Variants in SPPL3 observed in about 807,000 individuals in gnomAD.
SPPL3 encodes the protein signal peptide peptidase like 3.
In SPPL3, 5 loss-of-function variants were observed where a neutral mutation model predicts 42.4. The observed-to-expected ratio is 0.12, with a 90% CI of 0.06 to 0.25. SPPL3 has a LOEUF of 0.25. Ranked by LOEUF, SPPL3 falls within the 10% of genes least tolerant of loss-of-function variation. The probability of loss-of-function intolerance (pLI) is 1.00; values close to 1 mark genes in which losing one functional copy is unlikely to be tolerated. For synonymous variants in SPPL3, 195 were observed against 181.8 expected (o/e 1.07, Z -0.58); for missense variants, 235 against 489.0 (o/e 0.48, Z 4.90).
intron 3 of SPPL3, among the ~76,000 whole-genome samples, chr12:120,785,323 A>T (rs1389542772): frequency 6.6e-6 from 1 of 152,160 alleles, no homozygotes; most frequent in Non-Finnish European, 1.5e-5. Flanking sequence ...CGGGAAAATA[A>T]TCTCTTGGGC....
chr12:120,791,759 G>C, intron 2 of SPPL3: 1 of 507,112 alleles, frequency 2.0e-6, no homozygotes, highest in Non-Finnish European at 3.5e-6. Flanking sequence ...CCTGACTGCA[G>C]ATGAAAGCAT....
intron 1 of SPPL3, among the ~76,000 whole-genome samples, chr12:120,879,361 TCAC>T (rs1226799591): frequency 2.0e-5 from 3 of 152,050 alleles, no homozygotes; most frequent in Non-Finnish European, 4.4e-5. Context: ...ATTCTCTTCT[TCAC>T]CTAGTTAGGA....
intron 2 of SPPL3, among the ~76,000 whole-genome samples, chr12:120,797,702 C>T (rs1461724262): frequency 1.3e-5 from 2 of 151,934 alleles, no homozygotes; most frequent in Admixed American, 6.6e-5. Context: ...GAATTGTATC[C>T]CTTTCTTTAG....
In SPPL3 at chr12:120,876,309, T is replaced by G. The variant is rs1483023234; in HGVS notation, c.23+27536A>C. 2.0e-5 allele frequency among the ~76,000 whole-genome samples: 3 copies of G among 151,908 alleles called. No homozygotes were observed. The South Asian group carries it at 6.2e-4, about 32-fold the overall frequency. ...GGTCAAAGGAAATAATAAGGGAAAT[T>G]AGAAAATATTTTGACTTGAATGGGC... On this transcript the variant is annotated intron_variant, in intron 1 of 10. Coordinates refer to ENST00000353487, the MANE Select transcript of SPPL3 (RefSeq NM_139015.5).
chr12:120,766,100 GCACACACACACACA>G (rs111837123), intron 10 of SPPL3, among the ~76,000 whole-genome samples, 149 bp downstream of exon 10: 148 of 84,138 alleles, frequency 1.8e-3, no homozygotes, highest in Middle Eastern at 7.8e-3. Flanking sequence ...GCGCGCGCGC[GCACACACACACACA>G]CACACACACA....
At chr12:120,900,153 A>G (rs981907062) in intron 1 of SPPL3, among the ~76,000 whole-genome samples, 14 of 152,158 alleles carry the variant, frequency 9.2e-5, no homozygotes, top group Non-Finnish European at 2.1e-4. Context: ...CTCATTGCCA[A>G]TAATTTACAT....
intron 1 of SPPL3, among the ~76,000 whole-genome samples, chr12:120,833,714 A>G (rs2137019977): frequency 7.3e-6 from 1 of 136,764 alleles, no homozygotes. Context: ...GAAAAAAAGG[A>G]GGAAAAACAG....
chr12:120,893,316 G>A (rs1043569761), intron 1 of SPPL3, among the ~76,000 whole-genome samples: 9 of 152,096 alleles, frequency 5.9e-5, no homozygotes, highest in Middle Eastern at 3.4e-3. Flanking sequence ...CAGGCGTGGC[G>A]GCGGGCGCCT....
chr12:120,799,242 A>G (rs1274437959), intron 2 of SPPL3, among the ~76,000 whole-genome samples: 1 of 152,222 alleles, frequency 6.6e-6, no homozygotes, highest in African/African-American at 2.4e-5. Context: ...GGGCAAAATC[A>G]TCTAACACAA....
intron 2 of SPPL3, among the ~76,000 whole-genome samples, chr12:120,800,690 G>A (rs1468710766): frequency 6.6e-6 from 1 of 151,946 alleles, no homozygotes; most frequent in Non-Finnish European, 1.5e-5. Context: ...TGAACAGGAA[G>A]TAGTTATGGG....
At chr12:120,865,722 T>C (rs1403035103) in intron 1 of SPPL3, among the ~76,000 whole-genome samples, 1 of 152,166 alleles carries the variant, frequency 6.6e-6, no homozygotes, top group Non-Finnish European at 1.5e-5. Flanking sequence ...ACAGCAGTGT[T>C]TCCCAAGCTA....
At chr12:120,875,546 T>C (rs1873059285) in intron 1 of SPPL3, among the ~76,000 whole-genome samples, 1 of 151,900 alleles carries the variant, frequency 6.6e-6, no homozygotes, top group South Asian at 2.1e-4. Context: ...GGAGAATTGT[T>C]TGAACCCCTG....
chr12:120,853,441 A>T (rs564193731), intron 1 of SPPL3, among the ~76,000 whole-genome samples: 5 of 152,264 alleles, frequency 3.3e-5, no homozygotes, highest in African/African-American at 9.6e-5. Flanking sequence ...CAAACGTAAA[A>T]TTTTTTCCTT....
intron 1 of SPPL3, among the ~76,000 whole-genome samples, chr12:120,865,806 G>A (rs1047970238): frequency 3.9e-5 from 6 of 152,218 alleles, no homozygotes; most frequent in African/African-American, 1.4e-4. Flanking sequence ...TGGCCTGTTA[G>A]AAACTGGGCC....
At chr12:120,854,553 A>T (rs1464531934) in intron 1 of SPPL3, among the ~76,000 whole-genome samples, 1 of 152,238 alleles carries the variant, frequency 6.6e-6, no homozygotes, top group African/African-American at 2.4e-5. Flanking sequence ...TTGATGAACA[A>T]GAGCCTGAGG....
intron 1 of SPPL3, among the ~76,000 whole-genome samples, chr12:120,841,145 G>A (rs1243238673): frequency 6.6e-6 from 1 of 151,978 alleles, no homozygotes; most frequent in Non-Finnish European, 1.5e-5. Context: ...GACCAACATG[G>A]AGAAACCCCA....
At chr12:120,839,458 T>C (rs1052683267) in intron 1 of SPPL3, among the ~76,000 whole-genome samples, 14 of 151,768 alleles carry the variant, frequency 9.2e-5, no homozygotes, top group Admixed American at 9.2e-4. Flanking sequence ...TGTATACATA[T>C]GTAACTAACC....
intron 1 of SPPL3, among the ~76,000 whole-genome samples, chr12:120,848,901 G>A (rs924938024): frequency 6.6e-6 from 1 of 152,028 alleles, no homozygotes; most frequent in African/African-American, 2.4e-5. Context: ...GCAAGCTACA[G>A]GTGATTTGTG....
At chr12:120,895,287 T>C (rs1873766447) in intron 1 of SPPL3, among the ~76,000 whole-genome samples, 2 of 151,890 alleles carry the variant, frequency 1.3e-5, no homozygotes, top group South Asian at 4.2e-4. Flanking sequence ...ATTAGCCGCG[T>C]GTATTGGCGC....
Sources: allele counts gnomAD v4.1 joint callset (sites outside exome capture counted in the v4.1 genomes callset), GRCh38; gene constraint gnomAD v4.1.1; transcripts MANE v1.5; gene names NCBI Gene and HGNC (gene_info 2026-07-23, HGNC 2026-07-21).